The following DHX32 variants were observed in gnomAD, a reference collection of about 807,000 sequenced individuals.
DHX32 encodes the protein putative pre-mRNA-splicing factor ATP-dependent RNA helicase DHX32.
DHX32 carries 51 observed loss-of-function variants against 70.0 expected under a neutral mutation model. That is an observed-to-expected ratio of 0.73 (90% CI 0.58 to 0.92). The LOEUF (loss-of-function observed/expected upper bound fraction) is 0.92, where lower values mean the gene tolerates loss of function less well. Ranked by LOEUF, DHX32 falls within the 40% of genes least tolerant of loss-of-function variation. The pLI, the probability that DHX32 is intolerant of heterozygous loss-of-function variation, is 0.00. For synonymous variants in DHX32, 310 were observed against 315.3 expected, an observed-to-expected ratio of 0.98 and a Z score of 0.18; for missense variants, 762 against 891.8, an observed-to-expected ratio of 0.85 and a Z score of 1.85.
Position 125,838,304 on chromosome 10 carries a change from G to A in DHX32, c.1965C>T (p.Tyr655=). 1 of 1,613,932 alleles carries A rather than the reference G, an allele frequency of 6.2e-7. No homozygotes were observed. The highest frequency in any genetic ancestry group is 8.5e-7 in the Non-Finnish European group (1 of 1,180,000). ...ACTCTGGCATCTTCTTGGTGATTGA[G>A]TAACCAGACAGGGGATGCAGCTGAG... ...QVAQLHPLSG[Y]SITKKMPEWV... Residue 655 remains tyrosine, a synonymous_variant, in exon 10 of 11, where the codon TAC becomes TAT. Transcript: ENST00000284690.
At chr10:125,855,725 C>A (rs1390819427) in intron 3 of DHX32, among the ~76,000 whole-genome samples, 1 of 152,202 alleles carries the variant, frequency 6.6e-6, no homozygotes, top group Non-Finnish European at 1.5e-5. Context: ...GCTGGGATTA[C>A]AGGCGTAAGC....
chr10:125,862,573 T>C (rs1944196851), intron 2 of DHX32, among the ~76,000 whole-genome samples: 1 of 152,172 alleles, frequency 6.6e-6, no homozygotes, highest in South Asian at 2.1e-4. Context: ...TTATGTGTTA[T>C]GTAAATACAT....
At chr10:125,853,035 G>A (rs896805759) in intron 4 of DHX32, 29 of 910,774 alleles carry the variant, frequency 3.2e-5, no homozygotes, top group Non-Finnish European at 4.6e-5. Flanking sequence ...GGATCTTGGT[G>A]GTCTCACCTT....
In DHX32 at chr10:125,836,628, A is replaced by G. The variant is rs1854693827; in HGVS notation, c.*59T>C. 4.4e-6 allele frequency: 7 copies of G among 1,580,054 alleles called. No individual in the cohort carries two copies. The highest frequency in any genetic ancestry group is 6.0e-6 in the Non-Finnish European group (7 of 1,160,110). ...TTCGCGTCATGTATCTCCCATATCC[A>G]GCAGTTCAGCCATCCAGCTACCTTT... On this transcript the variant is annotated 3_prime_UTR_variant, in exon 11 of 11. Transcript: ENST00000284690.
At chr10:125,892,090 A>C (rs1034996024) in intron 1 of DHX32, among the ~76,000 whole-genome samples, 1 of 152,150 alleles carries the variant, frequency 6.6e-6, no homozygotes, top group Non-Finnish European at 1.5e-5. Context: ...CATCTACCCC[A>C]CTTCTTAAAC....
Position 125,858,578 on chromosome 10 carries a change from T to G in DHX32, c.849+1025A>C, listed in dbSNP as rs1299729926. Among the ~76,000 whole-genome samples the G allele has an allele frequency of 4.6e-5, 7 of 152,322 alleles. No individual in the cohort carries two copies. The East Asian group carries it at 1.3e-3, about 29-fold the overall frequency. ...TTTGAGTATAAAATAGAATAAATAC[T>G]TCTGAAAGTGTTTCTGAAATATGTG... On this transcript the variant is annotated intron_variant, in intron 3 of 10. Transcript: ENST00000284690.
At chr10:125,877,107 G>A (rs1008410987) in intron 1 of DHX32, among the ~76,000 whole-genome samples, 4 of 152,146 alleles carry the variant, frequency 2.6e-5, no homozygotes, top group African/African-American at 4.8e-5. Flanking sequence ...GAATCTGGGT[G>A]AACAACATAT....
At chr10:125,842,265 G>A (rs55859902) in intron 6 of DHX32, 9 of 278,728 alleles carry the variant, frequency 3.2e-5, no homozygotes, top group East Asian at 1.0e-4. Context: ...GCCGGAACTC[G>A]CGGTCACAGT....
intron 1 of DHX32, among the ~76,000 whole-genome samples, chr10:125,892,951 A>G (rs1181849042): frequency 1.3e-5 from 2 of 152,178 alleles, no homozygotes; most frequent in Non-Finnish European, 1.5e-5. Flanking sequence ...TTATTACCCT[A>G]CTTAAATTAT....
At chr10:125,896,185 C>T (rs1323683371) in intron 1 of DHX32, 6 of 157,136 alleles carry the variant, frequency 3.8e-5, no homozygotes, top group Non-Finnish European at 5.6e-5. Context: ...CGCCGACCCC[C>T]GACCCCTTCC....
chr10:125,852,249 G>C (rs1944100273), intron 6 of DHX32, 44 bp downstream of exon 6: 4 of 1,601,282 alleles, frequency 2.5e-6, no homozygotes, highest in Non-Finnish European at 1.7e-6. Flanking sequence ...AGGAGAAGGT[G>C]AATCTCAGCC....
chr10:125,853,047 A>C (rs896975956), intron 4 of DHX32: 2 of 1,078,406 alleles, frequency 1.9e-6, no homozygotes, highest in African/African-American at 3.2e-5. Context: ...TCTCACCTTT[A>C]CAACACATAC....
chr10:125,855,881 G>T (rs556957363), intron 3 of DHX32, among the ~76,000 whole-genome samples: 2 of 152,106 alleles, frequency 1.3e-5, no homozygotes, highest in Non-Finnish European at 2.9e-5. Flanking sequence ...TGAATTCTTC[G>T]GTCTAATGCT....
chr10:125,840,855 C>T lies in DHX32; in HGVS notation c.1685G>A (p.Ser562Asn), dbSNP rs1310880630. The change falls in exon 8 of 11, where the codon AGC becomes AAC. Residue 562 changes from serine (S) to asparagine (N), a missense_variant. By Grantham distance (46) the Ser-to-Asn change is conservative. This residue lies in a region of DHX32 where 366 missense variants were observed against 402.6 expected (regional missense o/e 0.91). Coordinates refer to ENST00000284690, the MANE Select transcript of DHX32 (RefSeq NM_018180.3). ...KAYQDTTLNS[S>N]SEYCVEKWCR... ...TCTGAGCATTCACTTACACTCACTG[C>T]TAGAATTCAGAGTTGTGTCTTGGTA... is the stretch of plus-strand genomic sequence containing the variant. The T allele has an allele frequency of 4.4e-6, 7 of 1,590,562 alleles. No homozygotes were observed. In the Admixed American group the frequency reaches 6.9e-5, roughly 16 times the overall value.
intron 1 of DHX32, among the ~76,000 whole-genome samples, chr10:125,888,201 C>T (rs77874922): frequency 7.4e-6 from 1 of 135,064 alleles, no homozygotes; most frequent in South Asian, 2.3e-4. Context: ...TTGAGCAATG[C>T]ATTTTTTTTT....
chr10:125,848,448 G>A (rs1340938243), intron 6 of DHX32, among the ~76,000 whole-genome samples: 4 of 152,180 alleles, frequency 2.6e-5, no homozygotes, highest in Non-Finnish European at 2.9e-5. Context: ...AAAAAGACAA[G>A]TGGCTTGCCA....
At chr10:125,860,293 G>C (rs1048041957) in intron 2 of DHX32, among the ~76,000 whole-genome samples, 3 of 152,090 alleles carry the variant, frequency 2.0e-5, no homozygotes, top group Non-Finnish European at 4.4e-5. Flanking sequence ...CTTTTGTTCT[G>C]AGCTTTATAC....
At position 125,880,603 on chromosome 10, in the gene DHX32, G is replaced by A. The variant is rs1348323802; in HGVS notation, c.222C>T (p.Asn74=). The change falls in exon 1 of 11, where the codon AAC becomes AAT. Residue 74 remains asparagine, a synonymous_variant. Coordinates refer to ENST00000284690, the MANE Select transcript of DHX32 (RefSeq NM_018180.3). ...IWKEKYSFME[N]LLQNQIVIVS... is the part of the protein sequence containing the mutation. ...CAATCACGATTTGATTTTGAAGCAG[G>A]TTCTCCATAAAGGAGTATTTTTCTT... 4.3e-6 allele frequency: 7 copies of A among 1,613,506 alleles called. No homozygotes were observed. The highest frequency in any genetic ancestry group is 1.7e-5 in the Admixed American group (1 of 59,920).
At chr10:125,867,639 G>A (rs1944229658) in intron 1 of DHX32, among the ~76,000 whole-genome samples, 1 of 151,926 alleles carries the variant, frequency 6.6e-6, no homozygotes, top group African/African-American at 2.4e-5. Context: ...GGGAGGCTGA[G>A]GCAGGAGAAT....
Sources: gnomAD v4.1 joint callset for allele counts (sites outside exome capture counted in the v4.1 genomes callset) on GRCh38, gnomAD v4.1.1 for gene constraint, gnomAD v4.1.1 regional missense constraint, MANE v1.5 for transcripts, NCBI Gene and HGNC (gene_info 2026-07-23, HGNC 2026-07-21) for gene names.